The following MICAL3 variants were observed in gnomAD, a reference collection of about 807,000 sequenced individuals.
The protein encoded by MICAL3 is microtubule associated monooxygenase, calponin and LIM domain containing 3.
Under a neutral mutation model 207.4 loss-of-function variants are expected in MICAL3, and 62 were observed. The ratio of observed to expected loss-of-function variants is 0.30; its 90% CI spans 0.24 to 0.37. The LOEUF is 0.37. Ranked by LOEUF, MICAL3 falls within the 10% of genes least tolerant of loss-of-function variation. The probability of loss-of-function intolerance (pLI) is 1.00; values close to 1 mark genes in which losing one functional copy is unlikely to be tolerated. For missense variants in MICAL3, 2,368 were observed against 2,635.6 expected, an observed-to-expected ratio of 0.90 and a Z score of 2.22; for synonymous variants, 1,077 against 1,069.3, an observed-to-expected ratio of 1.01 and a Z score of -0.14.
Position 17,861,661 on chromosome 22 carries a change from A to G in MICAL3, c.2605+3238T>C, listed in dbSNP as rs73386319. On this transcript the variant is annotated intron_variant, in intron 19 of 31. Transcript: ENST00000441493. ...AGCTTTTTCTAAAGTCATGGTGGAC[A>G]GTACAAGGCCAGGGTAAGAAAATCT... The G allele has an allele frequency of 0.011, 10,885 of 985,426 alleles. 650 individuals carry two copies. In the African/African-American group the frequency reaches 0.15, roughly 14 times the overall value. 61.0% of individuals were successfully genotyped at this position (985,426 alleles called of 1,614,324 possible). A position where few individuals can be genotyped will look rare whatever the true frequency, so the allele number is the denominator to read the frequency against.
At chr22:17,860,758 C>T (rs1042061154) in intron 19 of MICAL3, 9 of 985,256 alleles carry the variant, frequency 9.1e-6, no homozygotes, top group African/African-American at 8.7e-5. Flanking sequence ...GGTGTGCTGC[C>T]CATTTTCTGA....
chr22:17,798,404 G>GT (rs1202262717), intron 29 of MICAL3, among the ~76,000 whole-genome samples: 1 of 152,102 alleles, frequency 6.6e-6, no homozygotes, highest in Non-Finnish European at 1.5e-5. Flanking sequence ...ATCATTTTTG[G>GT]TTTTCAGTTC....
intron 19 of MICAL3, among the ~76,000 whole-genome samples, chr22:17,859,567 T>A (rs1020764438): frequency 6.6e-6 from 1 of 152,168 alleles, no homozygotes; most frequent in Non-Finnish European, 1.5e-5. Context: ...CCAAAAAGAA[T>A]CAGATATCCC....
intron 22 of MICAL3, 81 bp downstream of exon 22, chr22:17,827,563 C>G (rs1922334984): frequency 6.9e-7 from 1 of 1,454,932 alleles, no homozygotes; most frequent in Non-Finnish European, 9.1e-7. Context: ...TCTGCCCTGA[C>G]AGAAAGGCCC....
chr22:17,794,436 G>A (rs2061854907), intron 29 of MICAL3, among the ~76,000 whole-genome samples: 1 of 152,274 alleles, frequency 6.6e-6, no homozygotes, highest in South Asian at 2.1e-4. Context: ...AGGGCAAGGA[G>A]GGGCCTCTGA....
At chr22:17,952,229 C>A (rs1934383575) in intron 1 of MICAL3, among the ~76,000 whole-genome samples, 1 of 152,236 alleles carries the variant, frequency 6.6e-6, no homozygotes, top group South Asian at 2.1e-4. Flanking sequence ...ATCCCTAACA[C>A]CTAGAACAAG....
chr22:17,986,210 A>G (rs1234360363), intron 1 of MICAL3, among the ~76,000 whole-genome samples: 1 of 152,180 alleles, frequency 6.6e-6, no homozygotes, highest in Non-Finnish European at 1.5e-5. Flanking sequence ...CGGCCACAAG[A>G]ATGACTCTTA....
intron 1 of MICAL3, among the ~76,000 whole-genome samples, chr22:17,933,341 G>A (rs1933362330): frequency 6.6e-6 from 1 of 152,132 alleles, no homozygotes; most frequent in Non-Finnish European, 1.5e-5. Context: ...ACAACTACAT[G>A]GAAACTGAAC....
rs1277107657 is a variant in MICAL3, at chr22:17,900,280, G to T, written c.847+562C>A. ...GCAGGCATTGGGAAGAACTAGTGGA[G>T]GCAGAACGAATGCTTTACAACAAAT... On this transcript the variant is annotated intron_variant, in intron 6 of 31. Transcript: ENST00000441493. The surrounding 1 kb of genome is among the most constrained non-coding windows in gnomAD (Gnocchi z 4.0). 6.6e-6 allele frequency among the ~76,000 whole-genome samples: 1 copy of T among 152,208 alleles called. No individual in the cohort carries two copies. Among genetic ancestry groups the T allele is most frequent in the Non-Finnish European group, 1.5e-5 (1 of 68,038 alleles).
At position 17,827,654 on chromosome 22, in the gene MICAL3, A is replaced by G; in HGVS notation, c.3183T>C (p.Ser1061=). 1.3e-6 allele frequency: 2 copies of G among 1,569,944 alleles called. No homozygotes were observed. Among genetic ancestry groups the G allele is most frequent in the Non-Finnish European group, 1.7e-6 (2 of 1,157,784 alleles). ...GCTGGGAGTGTTTACCTCCGGAAGCAGAGGACTCAGAGGCCGGCGCCATCC... is the reference window on the plus strand; with the variant it reads ...GCTGGGAGTGTTTACCTCCGGAAGCGGAGGACTCAGAGGCCGGCGCCATCC... ...EERMAPASES[S]ASGAPLDEND... Residue 1061 remains serine, a synonymous_variant, in exon 22 of 32, where the codon TCT becomes TCC. Transcript: ENST00000441493.
chr22:17,863,030 C>T, intron 19 of MICAL3: 2 of 985,428 alleles, frequency 2.0e-6, no homozygotes, highest in Non-Finnish European at 2.4e-6. Context: ...TTTAACCACA[C>T]TGCCAACCCT....
chr22:17,852,565 G>A (rs1356645635), intron 19 of MICAL3, among the ~76,000 whole-genome samples: 2 of 152,170 alleles, frequency 1.3e-5, no homozygotes, highest in Admixed American at 6.5e-5. Context: ...GAGCAGCTGC[G>A]GGTCTATCAT....
intron 16 of MICAL3, chr22:17,875,426 G>T: frequency 1.4e-6 from 2 of 1,461,948 alleles, no homozygotes; most frequent in African/African-American, 2.9e-5. Context: ...CAGAGTTTTA[G>T]TGAGTCCTAG....
chr22:17,850,318 C>T (rs1925166967), intron 19 of MICAL3, among the ~76,000 whole-genome samples: 1 of 151,300 alleles, frequency 6.6e-6, no homozygotes. Flanking sequence ...GAGGACACCG[C>T]TAGGGGGGAC....
intron 19 of MICAL3, chr22:17,862,774 C>T (rs571908006): frequency 9.6e-5 from 95 of 985,472 alleles, no homozygotes; most frequent in South Asian, 2.3e-4. Flanking sequence ...TCTGAGCTGC[C>T]GGACTAAGAT....
At chr22:17,860,607 C>T (rs1050004040) in intron 19 of MICAL3, 5 of 985,402 alleles carry the variant, frequency 5.1e-6, no homozygotes, top group Non-Finnish European at 4.8e-6. Flanking sequence ...GCACTAACCA[C>T]CAAAAGATAG....
intron 1 of MICAL3, among the ~76,000 whole-genome samples, chr22:17,931,501 G>A (rs1933262882): frequency 6.6e-6 from 1 of 152,200 alleles, no homozygotes; most frequent in African/African-American, 2.4e-5. Context: ...CCAGGGTTGT[G>A]TGCTATATAA....
At chr22:17,872,209 T>C (rs1927792645) in intron 16 of MICAL3, among the ~76,000 whole-genome samples, 186 bp from the exon 17 acceptor site, 1 of 152,186 alleles carries the variant, frequency 6.6e-6, no homozygotes, top group African/African-American at 2.4e-5. Flanking sequence ...ACCGCCACAG[T>C]CACTGCCTCC....
rs988978390 is a variant in MICAL3, at chr22:17,858,440, C to T, written c.2605+6459G>A. The T allele has an allele frequency of 1.9e-5, 19 of 984,850 alleles. No homozygotes were observed. The African/African-American group carries it at 2.3e-4, about 12-fold the overall frequency. 61.0% of individuals were successfully genotyped at this position (984,850 alleles called of 1,614,324 possible). On this transcript the variant is annotated intron_variant, in intron 19 of 31. Transcript: ENST00000441493. The stretch of plus-strand genomic sequence containing the variant: ...GAGTCTAAAGGAGGTTTCAGGGCTT[C>T]GTGAAAGGGGCTGGAATTCGGAAAG...
Sources: allele counts gnomAD v4.1 joint callset (sites outside exome capture counted in the v4.1 genomes callset), GRCh38; gene constraint gnomAD v4.1.1; non-coding constraint Gnocchi (gnomAD v3.1); transcripts MANE v1.5; gene names NCBI Gene and HGNC (gene_info 2026-07-23, HGNC 2026-07-21).